Variants in CDH4 observed in about 807,000 individuals in gnomAD.
CDH4 encodes the protein cadherin 4.
In CDH4, 33 loss-of-function variants were observed where a neutral mutation model predicts 86.0. The observed-to-expected ratio is 0.38, with a 90% CI of 0.29 to 0.51. The LOEUF (loss-of-function observed/expected upper bound fraction) is 0.51. CDH4 is among the 20% of genes least tolerant of loss of function. The pLI is 0.86. For missense variants in CDH4, 1,114 were observed against 1,307.4 expected (o/e 0.85, Z 2.28); for synonymous variants, 555 against 549.4 (o/e 1.01, Z -0.14).
intron 4 of CDH4, among the ~76,000 whole-genome samples, chr20:61,818,771 G>A (rs1023190533): frequency 1.3e-5 from 2 of 151,916 alleles, no homozygotes; most frequent in African/African-American, 4.8e-5. Flanking sequence ...AGATCTCTTG[G>A]GGATTCCAGG....
chr20:61,265,288 G>T lies in CDH4; in HGVS notation c.169+10351G>T, dbSNP rs367931221. Among the ~76,000 whole-genome samples, 29 of 151,116 alleles carry T rather than the reference G, an allele frequency of 1.9e-4. No homozygotes were observed. In the East Asian group the frequency reaches 3.0e-3, roughly 15 times the overall value. On this transcript the variant is annotated intron_variant, in intron 2 of 15. Coordinates refer to ENST00000614565, the MANE Select transcript of CDH4 (RefSeq NM_001794.5). ...ATTCAGTCCTACACGTACCTCAGTGGTTCCTTCATTCAATCTTACACATAC... is the reference window on the plus strand; with the variant it reads ...ATTCAGTCCTACACGTACCTCAGTGTTTCCTTCATTCAATCTTACACATAC...
chr20:61,661,065 G>T lies in CDH4; in HGVS notation c.170-82498G>T, dbSNP rs1043317262. Among the ~76,000 whole-genome samples, 12 of 137,346 alleles carry T rather than the reference G, an allele frequency of 8.7e-5. 1 individual carries two copies. Among genetic ancestry groups the T allele is most frequent in the Admixed American group, 6.9e-4 (9 of 13,048 alleles). 90.1% of individuals were successfully genotyped at this position (137,346 alleles called of 152,430 possible). On this transcript the variant is annotated intron_variant, in intron 2 of 15. Transcript: ENST00000614565. ...AAGAAGCCATGGATGGAGGGAGGCGGCATGGACAGGAGGCATGGCGGGGGG... is the reference window on the plus strand; with the variant it reads ...AAGAAGCCATGGATGGAGGGAGGCGTCATGGACAGGAGGCATGGCGGGGGG...
chr20:61,600,625 G>T (rs2086593021), intron 2 of CDH4, among the ~76,000 whole-genome samples: 1 of 152,182 alleles, frequency 6.6e-6, no homozygotes, highest in African/African-American at 2.4e-5. Context: ...TCCCTCAGGG[G>T]ATTCATTCCA....
chr20:61,361,917 C>G (rs147385142), intron 2 of CDH4, among the ~76,000 whole-genome samples: 4 of 152,360 alleles, frequency 2.6e-5, no homozygotes, highest in Non-Finnish European at 4.4e-5. Context: ...GGTACTGTTC[C>G]AGGCCCAGGG....
chr20:61,849,697 A>G (rs572458768), intron 5 of CDH4, among the ~76,000 whole-genome samples: 1 of 152,252 alleles, frequency 6.6e-6, no homozygotes, highest in Non-Finnish European at 1.5e-5. Flanking sequence ...CCTGAAGGGC[A>G]CCTGCATGCC....
At chr20:61,506,130 A>G (rs534538563) in intron 2 of CDH4, among the ~76,000 whole-genome samples, 7 of 152,262 alleles carry the variant, frequency 4.6e-5, no homozygotes, top group Non-Finnish European at 8.8e-5. Context: ...GGGAGTAAAC[A>G]GTGTGTGAGA....
chr20:61,769,110 G>C (rs905510287), intron 3 of CDH4, among the ~76,000 whole-genome samples: 28 of 152,292 alleles, frequency 1.8e-4, no homozygotes, highest in Non-Finnish European at 3.1e-4. Flanking sequence ...GCCCTCATCT[G>C]GGAGAGATCT....
At chr20:61,910,313 T>A in intron 8 of CDH4, 109 bp from the exon 9 acceptor site, 1 of 918,858 alleles carries the variant, frequency 1.1e-6, no homozygotes, top group Non-Finnish European at 1.7e-6. Context: ...GCTGACACGG[T>A]GTGTTCTGTT....
At chr20:61,852,336 A>G (rs1260947931) in intron 5 of CDH4, among the ~76,000 whole-genome samples, 7 of 152,202 alleles carry the variant, frequency 4.6e-5, no homozygotes, top group Admixed American at 3.9e-4. Context: ...GCAGGAGTTA[A>G]GCCCCCGCCC....
intron 2 of CDH4, among the ~76,000 whole-genome samples, chr20:61,655,140 C>T (rs1053754840): frequency 7.9e-5 from 12 of 152,130 alleles, no homozygotes; most frequent in African/African-American, 2.4e-4. Flanking sequence ...GGTACACACA[C>T]GTAATTATGT....
At chr20:61,284,364 T>G (rs6015938) in intron 2 of CDH4, among the ~76,000 whole-genome samples, 122,302 of 152,054 alleles carry the variant, frequency 0.8, 49,298 homozygotes, top group South Asian at 0.85. Context: ...TGCATCACGT[T>G]TGTGTTTGCG....
chr20:61,712,020 G>T (rs530464282), intron 2 of CDH4, among the ~76,000 whole-genome samples: 1 of 152,312 alleles, frequency 6.6e-6, no homozygotes, highest in East Asian at 1.9e-4. Context: ...TCCCCAGGGG[G>T]TTGAGCAGCC....
rs559777372 is a variant in CDH4, at chr20:61,523,975, C to T, written c.170-219588C>T. ...TTATATAAAGAAGCAAGATATCTGACGAATTCACCTATATCTACCCATTAA... is the reference window on the plus strand; with the variant it reads ...TTATATAAAGAAGCAAGATATCTGATGAATTCACCTATATCTACCCATTAA... On this transcript the variant is annotated intron_variant, in intron 2 of 15. Coordinates refer to ENST00000614565, the MANE Select transcript of CDH4 (RefSeq NM_001794.5). Among the ~76,000 whole-genome samples, 719 of 152,318 alleles carry T rather than the reference C, an allele frequency of 4.7e-3. 4 individuals are homozygous for T. The highest frequency in any genetic ancestry group is 7.8e-3 in the Non-Finnish European group (531 of 68,038).
At position 61,852,906 on chromosome 20, in the gene CDH4, C is replaced by G; in HGVS notation, c.877+8C>G. 6.2e-7 allele frequency: 1 copy of G among 1,613,440 alleles called. No homozygotes were observed. Among genetic ancestry groups the G allele is most frequent in the Non-Finnish European group, 8.5e-7 (1 of 1,179,654 alleles). On this transcript the variant is annotated splice_region_variant and intron_variant, in intron 6 of 15. Coordinates refer to ENST00000614565, the MANE Select transcript of CDH4 (RefSeq NM_001794.5). ...ACGAGGGCTCCAAGCCAGGTGAGGC[C>G]TTTAGCGTTTGCTTGCTGGAGACCC...
intron 3 of CDH4, among the ~76,000 whole-genome samples, chr20:61,756,150 C>T (rs1268901559): frequency 6.6e-6 from 1 of 152,194 alleles, no homozygotes; most frequent in East Asian, 1.9e-4. Context: ...GTGCAGGCTT[C>T]GTTAGCGTGA....
chr20:61,581,300 C>T (rs555727474), intron 2 of CDH4, among the ~76,000 whole-genome samples: 11 of 152,330 alleles, frequency 7.2e-5, no homozygotes, highest in South Asian at 6.2e-4. Context: ...CAAACAACAG[C>T]GGTTTGTTCT....
intron 2 of CDH4, among the ~76,000 whole-genome samples, chr20:61,572,708 A>C (rs78645535): frequency 0.015 from 2,341 of 152,320 alleles, 62 homozygotes; most frequent in African/African-American, 0.053. Flanking sequence ...GCGTCACACA[A>C]AAGAGGAGTC....
chr20:61,923,061 G>C (rs4925313), intron 9 of CDH4, among the ~76,000 whole-genome samples: 70,495 of 152,156 alleles, frequency 0.46, 17,347 homozygotes, highest in East Asian at 0.85. Flanking sequence ...GTGAGGCCCC[G>C]CTGGCCAACA....
intron 2 of CDH4, among the ~76,000 whole-genome samples, chr20:61,478,007 C>T (rs1289489293): frequency 6.6e-6 from 1 of 152,174 alleles, no homozygotes; most frequent in Non-Finnish European, 1.5e-5. Flanking sequence ...AATATAACTT[C>T]GGTAAGATGG....
Sources: allele counts gnomAD v4.1 joint callset (sites outside exome capture counted in the v4.1 genomes callset), GRCh38; gene constraint gnomAD v4.1.1; transcripts MANE v1.5; gene names NCBI Gene and HGNC (gene_info 2026-07-23, HGNC 2026-07-21).